Variants in GABPB1 observed in about 807,000 individuals in gnomAD.
GABPB1 encodes GA-binding protein subunit beta-1.
A neutral mutation model predicts 45.9 loss-of-function variants in GABPB1; 15 were observed. The ratio of observed to expected loss-of-function variants is 0.33; its 90% CI spans 0.22 to 0.50. GABPB1 has a LOEUF of 0.50. GABPB1 is among the 20% of genes least tolerant of loss of function. GABPB1 has a pLI of 0.98. For missense variants in GABPB1, 252 were observed against 457.5 expected (o/e 0.55, Z 4.10); for synonymous variants, 143 against 154.4 (o/e 0.93, Z 0.55).
rs1237302822 is a variant in GABPB1 at position 50,349,018 on chromosome 15, T to G, written c.-1+5967A>C. 7.9e-5 allele frequency: 12 copies of G among 152,192 alleles called. 1 individual carries two copies. Among genetic ancestry groups the G allele is most frequent in the Admixed American group, 7.9e-4 (12 of 15,280 alleles). 9.4% of individuals were successfully genotyped at this position (152,192 alleles called of 1,614,324 possible). A position where few individuals can be genotyped will look rare whatever the true frequency, so the allele number is the denominator to read the frequency against. ...ATACCATGAAAAGATGTTTTAATAT[T>G]ATAAAATAGGACTCAAAATTAATAT... On this transcript the variant is annotated intron_variant, in intron 1 of 8. Coordinates refer to ENST00000380877, the MANE Select transcript of GABPB1 (RefSeq NM_016654.5).
At chr15:50,302,088 A>G (rs2046771472) in intron 4 of GABPB1, among the ~76,000 whole-genome samples, 1 of 152,198 alleles carries the variant, frequency 6.6e-6, no homozygotes. Context: ...AGAGGCAGTA[A>G]TTAAAGAAGA....
At chr15:50,279,290 T>G (rs1268779811) in intron 8 of GABPB1, among the ~76,000 whole-genome samples, 5 of 152,216 alleles carry the variant, frequency 3.3e-5, no homozygotes, top group Non-Finnish European at 1.5e-5. Context: ...TCAGGGATGA[T>G]GTAGCTCTCC....
At position 50,355,106 on chromosome 15, in the gene GABPB1, G is replaced by A. The variant is rs549035724; in HGVS notation, c.-122C>T. ...CACACAAAGCGCTTCAGCTGCACAG[G>A]GCGCTATTTTCCGAAAATGCCGCGT... On this transcript the variant is annotated 5_prime_UTR_variant, in exon 1 of 9. Transcript: ENST00000380877. 4 of 153,688 alleles carry A rather than the reference G, an allele frequency of 2.6e-5. No homozygotes were observed. The South Asian group carries it at 7.8e-4, about 30-fold the overall frequency. The allele number at this position is 153,688 out of a possible 1,614,324, so 9.5% of individuals were successfully genotyped here.
intron 1 of GABPB1, among the ~76,000 whole-genome samples, chr15:50,324,247 C>T (rs1036619445): frequency 3.3e-5 from 5 of 151,988 alleles, no homozygotes; most frequent in Non-Finnish European, 7.4e-5. Flanking sequence ...TGATGGCAAG[C>T]GCCAGGCCAA....
chr15:50,296,063 G>C lies in GABPB1; in HGVS notation c.697+4726C>G, dbSNP rs545174026. ...ATTAGACATGAAGGTGCTATTTAAA[G>C]CCATAATTCCTGAGTGAAATGGCAT... On this transcript the variant is annotated intron_variant, in intron 6 of 8. Transcript: ENST00000380877. Among the ~76,000 whole-genome samples, 28 of 152,218 alleles carry C rather than the reference G, an allele frequency of 1.8e-4. 1 individual carries two copies.
rs547604322 is a variant in GABPB1 at position 50,321,393 on chromosome 15, C to A, written c.1-11595G>T. On this transcript the variant is annotated intron_variant, in intron 1 of 8. Transcript: ENST00000380877. Reference sequence around the variant, plus strand: ...AAGTCAAGACCACTTCCAGTGAAATCATACTCACAAAGCTGATGAAAAACT... The same window carrying A: ...AAGTCAAGACCACTTCCAGTGAAATAATACTCACAAAGCTGATGAAAAACT... 1.4e-3 allele frequency among the ~76,000 whole-genome samples: 212 copies of A among 152,256 alleles called. 3 individuals carry two copies. The highest frequency in any genetic ancestry group is 5.0e-3 in the African/African-American group (206 of 41,564).
chr15:50,285,875 A>G, intron 8 of GABPB1, 193 bp downstream of exon 8: 1 of 1,359,908 alleles, frequency 7.4e-7, no homozygotes, highest in Admixed American at 3.4e-5. Context: ...TTCTTCACTC[A>G]CTCATTCATT....
In GABPB1 at chr15:50,355,027, T is replaced by A. The variant is rs1056423601; in HGVS notation, c.-43A>T. The A allele has an allele frequency of 1.3e-5, 2 of 155,138 alleles. No homozygotes were observed. Among genetic ancestry groups the A allele is most frequent in the Admixed American group, 6.5e-5 (1 of 15,284 alleles). The allele number at this position is 155,138 out of a possible 1,614,324, so 9.6% of individuals were successfully genotyped here. A position where few individuals can be genotyped will look rare whatever the true frequency, so the allele number is the denominator to read the frequency against. On this transcript the variant is annotated 5_prime_UTR_variant, in exon 1 of 9. Coordinates refer to ENST00000380877, the MANE Select transcript of GABPB1 (RefSeq NM_016654.5). Reference sequence around the variant, plus strand: ...GCGGCGACGGGAAGGCAGCAGGAGGTGGTGCGGGGACCCGAGGCGCCTCGT... The same window carrying A: ...GCGGCGACGGGAAGGCAGCAGGAGGAGGTGCGGGGACCCGAGGCGCCTCGT...
rs1427730274 is a variant in GABPB1 at position 50,276,268 on chromosome 15, A to C, written c.*2364T>G. The stretch of plus-strand genomic sequence containing the variant: ...TCAGTTCTTTAAATCCTCTGTTCAG[A>C]GCACTATTGAGAATGACTAGAATGC... On this transcript the variant is annotated 3_prime_UTR_variant, in exon 9 of 9. Transcript: ENST00000380877. The C allele has an allele frequency of 6.6e-6, 1 of 152,234 alleles. No individual in the cohort carries two copies. Among genetic ancestry groups the C allele is most frequent in the Non-Finnish European group, 1.5e-5 (1 of 68,042 alleles). The allele number at this position is 152,234 out of a possible 1,614,324, so 9.4% of individuals were successfully genotyped here.
Position 50,300,444 on chromosome 15 carries a change from T to G in GABPB1, c.697+345A>C, listed in dbSNP as rs1261850116. Among the ~76,000 whole-genome samples, 40 of 121,364 alleles carry G rather than the reference T, an allele frequency of 3.3e-4. 2 individuals carry two copies. Among genetic ancestry groups the G allele is most frequent in the South Asian group, 8.8e-4 (3 of 3,426 alleles). The allele number at this position is 121,364 out of a possible 152,430, so 79.6% of individuals were successfully genotyped here. A position where few individuals can be genotyped will look rare whatever the true frequency, so the allele number is the denominator to read the frequency against. ...ATCTGCAACTGTTTTTGGTTTTTTTTTTTTTTTTTTTTTTTTGAGACAGAG... is the reference window on the plus strand; with the variant it reads ...ATCTGCAACTGTTTTTGGTTTTTTTGTTTTTTTTTTTTTTTTGAGACAGAG... On this transcript the variant is annotated intron_variant, in intron 6 of 8. Transcript: ENST00000380877.
intron 1 of GABPB1, among the ~76,000 whole-genome samples, chr15:50,311,966 G>A (rs1378915213): frequency 6.6e-6 from 1 of 152,138 alleles, no homozygotes; most frequent in Non-Finnish European, 1.5e-5. Flanking sequence ...ACAATAATTA[G>A]GTGAGATATA....
chr15:50,276,979 T>C lies in GABPB1; in HGVS notation c.*1653A>G, dbSNP rs956432593. 1 of 152,242 alleles carries C rather than the reference T, an allele frequency of 6.6e-6. No homozygotes were observed. Among genetic ancestry groups the C allele is most frequent in the African/African-American group, 2.4e-5 (1 of 41,458 alleles). 9.4% of individuals were successfully genotyped at this position (152,242 alleles called of 1,614,324 possible). On this transcript the variant is annotated 3_prime_UTR_variant, in exon 9 of 9. Coordinates refer to ENST00000380877, the MANE Select transcript of GABPB1 (RefSeq NM_016654.5). ...GGAAAATTGAAAAAGATCTTTTTCC[T>C]CTTCCTTACAGAGTTCTTCAATTTG...
chr15:50,295,821 A>G, intron 6 of GABPB1, among the ~76,000 whole-genome samples: 1 of 152,030 alleles, frequency 6.6e-6, no homozygotes, highest in Non-Finnish European at 1.5e-5. Flanking sequence ...AGTGAACAAT[A>G]ACAGTAATTC....
At chr15:50,335,895 C>CAAAAA (rs775073809) in intron 1 of GABPB1, among the ~76,000 whole-genome samples, 10 of 79,308 alleles carry the variant, frequency 1.3e-4, no homozygotes, top group East Asian at 1.3e-3. Flanking sequence ...GACTCCGACT[C>CAAAAA]AAAAAAAAAA....
At chr15:50,314,052 C>T (rs1202192879) in intron 1 of GABPB1, among the ~76,000 whole-genome samples, 9 of 152,110 alleles carry the variant, frequency 5.9e-5, no homozygotes, top group Admixed American at 3.9e-4. Flanking sequence ...TTGAACAAAT[C>T]GACTTTTACC....
At chr15:50,344,730 C>A (rs2048501366) in intron 1 of GABPB1, among the ~76,000 whole-genome samples, 1 of 152,056 alleles carries the variant, frequency 6.6e-6, no homozygotes, top group African/African-American at 2.4e-5. Context: ...CCCAGCTACT[C>A]AGGAGGCTGA....
Position 50,339,510 on chromosome 15 carries a change from A to G in GABPB1, c.-1+15475T>C, listed in dbSNP as rs540493189. Among the ~76,000 whole-genome samples, 581 of 151,900 alleles carry G rather than the reference A, an allele frequency of 3.8e-3. 3 individuals carry two copies. Among genetic ancestry groups the G allele is most frequent in the African/African-American group, 0.014 (558 of 41,276 alleles). On this transcript the variant is annotated intron_variant, in intron 1 of 8. Coordinates refer to ENST00000380877, the MANE Select transcript of GABPB1 (RefSeq NM_016654.5). ...TAAGACTCCACCTTGGAAAAAAAAA[A>G]AAAAACTTCTTGAAACCATGTTAAT... is the stretch of plus-strand genomic sequence containing the variant.
chr15:50,293,167 A>G (rs2046407655), intron 6 of GABPB1, among the ~76,000 whole-genome samples: 1 of 152,230 alleles, frequency 6.6e-6, no homozygotes, highest in Non-Finnish European at 1.5e-5. Flanking sequence ...CCATCCATAT[A>G]CACAGTTGCT....
intron 6 of GABPB1, among the ~76,000 whole-genome samples, chr15:50,297,575 T>C (rs2141010681): frequency 6.6e-6 from 1 of 152,338 alleles, no homozygotes; most frequent in Admixed American, 6.5e-5. Context: ...CCGGGTGCAG[T>C]GGCTCACACC....
Sources: allele counts gnomAD v4.1 joint callset (sites outside exome capture counted in the v4.1 genomes callset), GRCh38; gene constraint gnomAD v4.1.1; transcripts MANE v1.5; gene names NCBI Gene and HGNC (gene_info 2026-07-23, HGNC 2026-07-21).